The following FOXP2 variants were observed in gnomAD, a reference collection of about 807,000 sequenced individuals.
FOXP2 encodes forkhead box P2.
FOXP2 carries 12 observed loss-of-function variants against 115.8 expected under a neutral mutation model. The observed-to-expected ratio is 0.10, with a 90% CI of 0.07 to 0.17. The LOEUF (loss-of-function observed/expected upper bound fraction) is 0.17, where lower values mean the gene tolerates loss of function less well. Ranked by LOEUF, FOXP2 falls within the 10% of genes least tolerant of loss-of-function variation. The probability of loss-of-function intolerance (pLI) is 1.00; values close to 1 mark genes in which losing one functional copy is unlikely to be tolerated. For missense variants in FOXP2, 629 were observed against 843.5 expected (o/e 0.75, Z 3.15); for synonymous variants, 328 against 297.7 (o/e 1.10, Z -1.05).
intron 1 of FOXP2, among the ~76,000 whole-genome samples, chr7:114,100,365 C>T (rs993569186): frequency 2.6e-5 from 4 of 152,028 alleles, no homozygotes; most frequent in South Asian, 2.1e-4. Flanking sequence ...AACTAAATAC[C>T]GTACTATAAG....
rs1167972948 is a variant in FOXP2 at position 114,690,948 on chromosome 7, T to G, written c.*1022T>G. 2.2e-6 allele frequency: 1 copy of G among 454,462 alleles called. No homozygotes were observed. The highest frequency in any genetic ancestry group is 1.6e-5 in the South Asian group (1 of 64,474). 28.2% of individuals were successfully genotyped at this position (454,462 alleles called of 1,614,324 possible). On this transcript the variant is annotated 3_prime_UTR_variant, in exon 17 of 17. Coordinates refer to ENST00000350908, the MANE Select transcript of FOXP2 (RefSeq NM_014491.4). ...AAAAACCACAACTAAAAAATGTTAA[T>G]TCAGTCACAGAGTAATCTTCTGAGG...
At chr7:114,270,306 A>G (rs2129172710) in intron 1 of FOXP2, among the ~76,000 whole-genome samples, 1 of 152,212 alleles carries the variant, frequency 6.6e-6, no homozygotes, top group East Asian at 1.9e-4. Flanking sequence ...TTCTGTTTGG[A>G]CTGAAATTTT....
chr7:114,367,961 A>G (rs1212332112), intron 2 of FOXP2, among the ~76,000 whole-genome samples: 1 of 152,200 alleles, frequency 6.6e-6, no homozygotes, highest in African/African-American at 2.4e-5. Context: ...TCTGGTTCTC[A>G]TAAAAATTAA....
chr7:114,607,297 G>C (rs1803382542), intron 3 of FOXP2, among the ~76,000 whole-genome samples: 1 of 151,984 alleles, frequency 6.6e-6, no homozygotes, highest in Admixed American at 6.6e-5. Flanking sequence ...GAAAAATGTA[G>C]AACAAAAGGA....
chr7:114,643,514 A>G (rs1420521029), intron 7 of FOXP2, among the ~76,000 whole-genome samples: 1 of 152,174 alleles, frequency 6.6e-6, no homozygotes, highest in Non-Finnish European at 1.5e-5. Context: ...ACTTTCAAAG[A>G]AAAATTTTTT....
intron 1 of FOXP2, among the ~76,000 whole-genome samples, chr7:114,172,773 A>G (rs1793182138): frequency 1.3e-5 from 2 of 152,176 alleles, no homozygotes; most frequent in South Asian, 4.1e-4. Context: ...AAAAGAATTA[A>G]AAAGGCAATC....
chr7:114,315,637 A>C (rs368995812), intron 2 of FOXP2, among the ~76,000 whole-genome samples: 14 of 146,650 alleles, frequency 9.5e-5, no homozygotes, highest in South Asian at 8.4e-4. Context: ...CACACACACA[A>C]ACAAACATAA....
intron 1 of FOXP2, among the ~76,000 whole-genome samples, chr7:114,173,855 C>T (rs1793214785): frequency 6.6e-6 from 1 of 151,844 alleles, no homozygotes; most frequent in Non-Finnish European, 1.5e-5. Context: ...TAAAGCAATG[C>T]TTATAGTCTA....
At chr7:114,252,972 C>T (rs1453330689) in intron 1 of FOXP2, among the ~76,000 whole-genome samples, 1 of 152,122 alleles carries the variant, frequency 6.6e-6, no homozygotes, top group African/African-American at 2.4e-5. Flanking sequence ...AAATGTGTCC[C>T]AGAGATTCTA....
intron 6 of FOXP2, among the ~76,000 whole-genome samples, chr7:114,636,936 G>A (rs1433621074): frequency 6.6e-6 from 1 of 152,258 alleles, no homozygotes; most frequent in East Asian, 1.9e-4. Flanking sequence ...CAATTTGGGA[G>A]GCTGAGGCTG....
intron 2 of FOXP2, among the ~76,000 whole-genome samples, chr7:114,513,698 T>G (rs1289017430): frequency 6.6e-6 from 1 of 152,194 alleles, no homozygotes; most frequent in Non-Finnish European, 1.5e-5. Context: ...TCATGTTCTT[T>G]CTGAAGTCCT....
chr7:114,557,628 A>G (rs530999056), intron 3 of FOXP2, among the ~76,000 whole-genome samples: 15 of 152,244 alleles, frequency 9.9e-5, no homozygotes, highest in African/African-American at 3.4e-4. Context: ...TACAAATGAA[A>G]ATGTACTACC....
intron 3 of FOXP2, among the ~76,000 whole-genome samples, chr7:114,559,434 C>A (rs902492932): frequency 6.6e-6 from 1 of 152,094 alleles, no homozygotes; most frequent in Non-Finnish European, 1.5e-5. Flanking sequence ...ATTGGCTTCT[C>A]TACTGCGATT....
intron 1 of FOXP2, among the ~76,000 whole-genome samples, chr7:114,239,214 TA>T (rs1795091797): frequency 6.6e-6 from 1 of 152,028 alleles, no homozygotes; most frequent in Admixed American, 6.6e-5. Context: ...TCAAGTTCTA[TA>T]TTTTTTTGGA....
chr7:114,589,125 T>C (rs1802308863), intron 3 of FOXP2, among the ~76,000 whole-genome samples: 1 of 152,204 alleles, frequency 6.6e-6, no homozygotes, highest in Non-Finnish European at 1.5e-5. Context: ...CTAAAATCTT[T>C]CTGAAGATAC....
At chr7:114,374,775 C>T (rs1017681213) in intron 2 of FOXP2, among the ~76,000 whole-genome samples, 1 of 152,180 alleles carries the variant, frequency 6.6e-6, no homozygotes. Context: ...ATGTAGCGCA[C>T]AGTGAGTGGC....
At chr7:114,559,855 C>CT (rs1193317270) in intron 3 of FOXP2, among the ~76,000 whole-genome samples, 2 of 149,788 alleles carry the variant, frequency 1.3e-5, no homozygotes, top group East Asian at 3.9e-4. Flanking sequence ...TGCCACTGCA[C>CT]TCCAGCCTGG....
At chr7:114,476,092 T>C (rs1238365945) in intron 2 of FOXP2, among the ~76,000 whole-genome samples, 2 of 151,762 alleles carry the variant, frequency 1.3e-5, no homozygotes, top group Non-Finnish European at 2.9e-5. Flanking sequence ...ACTTGGGTTT[T>C]TTTTTTTTTT....
chr7:114,616,870 T>G (rs1481461338), intron 3 of FOXP2, among the ~76,000 whole-genome samples: 1 of 151,742 alleles, frequency 6.6e-6, no homozygotes, highest in Admixed American at 6.6e-5. Flanking sequence ...ATTCTAGGAG[T>G]TCAAGACTAG....
Sources: allele counts gnomAD v4.1 joint callset (sites outside exome capture counted in the v4.1 genomes callset), GRCh38; gene constraint gnomAD v4.1.1; transcripts MANE v1.5; gene names NCBI Gene and HGNC (gene_info 2026-07-23, HGNC 2026-07-21).